RSPO3: variants seen among roughly 807,000 people sequenced by gnomAD.
The protein encoded by RSPO3 is R-spondin-3.
In RSPO3, 17 loss-of-function variants were observed where a neutral mutation model predicts 36.5. That is an observed-to-expected ratio of 0.47 (90% CI 0.32 to 0.70). The LOEUF (loss-of-function observed/expected upper bound fraction) is 0.70. Ranked by LOEUF, RSPO3 falls within the 30% of genes least tolerant of loss-of-function variation. RSPO3 has a pLI of 0.04. For missense variants in RSPO3, 294 were observed against 322.5 expected, an observed-to-expected ratio of 0.91 and a Z score of 0.68; for synonymous variants, 108 against 107.0, an observed-to-expected ratio of 1.01 and a Z score of -0.06.
intron 4 of RSPO3, among the ~76,000 whole-genome samples, chr6:127,193,721 C>T (rs975171858): frequency 3.3e-5 from 5 of 152,164 alleles, no homozygotes; most frequent in Admixed American, 1.3e-4. Flanking sequence ...GAAACTTACT[C>T]TTCAGTTTTC....
chr6:127,146,055 T>TA (rs1446495822), intron 1 of RSPO3, among the ~76,000 whole-genome samples: 1 of 151,964 alleles, frequency 6.6e-6, no homozygotes, highest in Non-Finnish European at 1.5e-5. Context: ...TACATAACCA[T>TA]AAAAAAAATC....
intron 4 of RSPO3, among the ~76,000 whole-genome samples, chr6:127,161,200 G>A (rs1437420873): frequency 6.6e-6 from 1 of 151,822 alleles, no homozygotes; most frequent in Non-Finnish European, 1.5e-5. Context: ...TAGGTTTTTG[G>A]GTTGAAGACA....
chr6:127,146,280 G>C (rs1336085772), intron 1 of RSPO3, among the ~76,000 whole-genome samples: 1 of 148,548 alleles, frequency 6.7e-6, no homozygotes, highest in East Asian at 2.0e-4. Flanking sequence ...AAAAACCCTT[G>C]CCTAGGAAGT....
intron 1 of RSPO3, among the ~76,000 whole-genome samples, chr6:127,138,047 T>G (rs1774196080): frequency 6.6e-6 from 1 of 152,182 alleles, no homozygotes; most frequent in Admixed American, 6.5e-5. Flanking sequence ...CTTCGTCAGA[T>G]TCACCTGGGA....
At chr6:127,153,750 A>T (rs1329070518) in intron 3 of RSPO3, among the ~76,000 whole-genome samples, 1 of 152,134 alleles carries the variant, frequency 6.6e-6, no homozygotes, top group Non-Finnish European at 1.5e-5. Context: ...TGAATACTGG[A>T]CAAAGTGACA....
Position 127,195,892 on chromosome 6 carries a change from G to A in RSPO3, c.704G>A (p.Ser235Asn). The A allele has an allele frequency of 2.5e-6, 4 of 1,612,270 alleles. No individual in the cohort carries two copies. The highest frequency in any genetic ancestry group is 2.2e-5 in the East Asian group (1 of 44,842). Residue 235 changes from serine to asparagine, a missense_variant, in exon 5 of 5, where the codon AGC becomes AAC. Physicochemically the swap from Ser to Asn is conservative, Grantham distance 46. Around this residue, in one of 3 missense-constraint regions of RSPO3, gnomAD observed 190 missense variants for 185.2 expected, o/e 1.03. Transcript: ENST00000356698. ...GAAAGTAAAGAAGCAATACCTGACAGCAAAAGTCTGGAATCCAGCAAAGAA... is the reference window on the plus strand; with the variant it reads ...GAAAGTAAAGAAGCAATACCTGACAACAAAAGTCTGGAATCCAGCAAAGAA... ...KGESKEAIPD[S>N]KSLESSKEIP...
chr6:127,170,282 G>T (rs781416635), intron 4 of RSPO3, among the ~76,000 whole-genome samples: 7 of 151,638 alleles, frequency 4.6e-5, no homozygotes, highest in Non-Finnish European at 1.0e-4. Flanking sequence ...TGTTGAAATT[G>T]CATGTAGAGC....
chr6:127,167,856 C>T (rs4509142), intron 4 of RSPO3, among the ~76,000 whole-genome samples: 71,010 of 151,372 alleles, frequency 0.47, 16,811 homozygotes, highest in East Asian at 0.53. Context: ...TGAGAACATG[C>T]GGTGTTTGGT....
At chr6:127,132,808 C>T (rs1368317675) in intron 1 of RSPO3, among the ~76,000 whole-genome samples, 1 of 152,034 alleles carries the variant, frequency 6.6e-6, no homozygotes, top group African/African-American at 2.4e-5. Context: ...TTATTATATA[C>T]TAAGGGATTA....
chr6:127,151,061 TC>T (rs1485346029), intron 3 of RSPO3, among the ~76,000 whole-genome samples: 2 of 151,840 alleles, frequency 1.3e-5, no homozygotes, highest in Non-Finnish European at 2.9e-5. Context: ...GAACATATAT[TC>T]TCTTGACACA....
chr6:127,166,352 T>A (rs1031895557), intron 4 of RSPO3, among the ~76,000 whole-genome samples: 1 of 152,014 alleles, frequency 6.6e-6, no homozygotes, highest in Non-Finnish European at 1.5e-5. Context: ...ATCTCTATCA[T>A]GTTAATGAAT....
At chr6:127,156,409 A>G (rs1774599007) in intron 4 of RSPO3, among the ~76,000 whole-genome samples, 1 of 152,076 alleles carries the variant, frequency 6.6e-6, no homozygotes, top group South Asian at 2.1e-4. Flanking sequence ...TCATTTTTCT[A>G]TCTTTCTCAC....
At chr6:127,192,171 T>C (rs979647479) in intron 4 of RSPO3, among the ~76,000 whole-genome samples, 1 of 152,218 alleles carries the variant, frequency 6.6e-6, no homozygotes, top group Non-Finnish European at 1.5e-5. Flanking sequence ...AACAGGACCT[T>C]GTACACACCT....
At chr6:127,195,345 T>A in intron 4 of RSPO3, among the ~76,000 whole-genome samples, 1 of 152,280 alleles carries the variant, frequency 6.6e-6, no homozygotes. Context: ...TTTTTTTTAT[T>A]TTTTATAGCG....
intron 1 of RSPO3, among the ~76,000 whole-genome samples, chr6:127,142,794 T>G (rs184265820): frequency 1.6e-4 from 24 of 152,162 alleles, no homozygotes; most frequent in Middle Eastern, 3.4e-3. Context: ...TGGTTGTTTT[T>G]TTTGTTTGTT....
In RSPO3 at chr6:127,118,752, G is replaced by C. The variant is rs141783576; in HGVS notation, c.-441G>C. On this transcript the variant is annotated 5_prime_UTR_variant, in exon 1 of 5. Coordinates refer to ENST00000356698, the MANE Select transcript of RSPO3 (RefSeq NM_032784.5). ...CCTTGGCCATGGCCGCTGTGCCGAC[G>C]GCGCCCGCTCCCCTGCGCTCCAGGG... is the stretch of plus-strand genomic sequence containing the variant. The C allele has an allele frequency of 0.049, 7,546 of 152,814 alleles. 262 individuals carry two copies. Among genetic ancestry groups the C allele is most frequent in the Non-Finnish European group, 0.073 (5,008 of 68,400 alleles). The allele number at this position is 152,814 out of a possible 1,614,324, so 9.5% of individuals were successfully genotyped here.
chr6:127,159,644 C>CT (rs869033594), intron 4 of RSPO3, among the ~76,000 whole-genome samples: 3,089 of 123,244 alleles, frequency 0.025, 135 homozygotes, highest in African/African-American at 0.065. Context: ...ATACATTCTC[C>CT]TTTTTTTTTT....
chr6:127,131,414 G>C (rs902988058), intron 1 of RSPO3, among the ~76,000 whole-genome samples: 1 of 152,012 alleles, frequency 6.6e-6, no homozygotes, highest in East Asian at 1.9e-4. Flanking sequence ...GAGAGCCTAC[G>C]ATCCAAGAAA....
At chr6:127,139,067 C>T (rs558412158) in intron 1 of RSPO3, among the ~76,000 whole-genome samples, 2 of 151,244 alleles carry the variant, frequency 1.3e-5, no homozygotes, top group Non-Finnish European at 2.9e-5. Context: ...TCTTCAATTC[C>T]GTTAGCAATT....
Sources: allele counts gnomAD v4.1 joint callset (sites outside exome capture counted in the v4.1 genomes callset), GRCh38; gene constraint gnomAD v4.1.1; regional missense constraint gnomAD v4.1.1; transcripts MANE v1.5; gene names NCBI Gene and HGNC (gene_info 2026-07-23, HGNC 2026-07-21).